The following NBEAL2 variants were observed in gnomAD, a reference collection of about 807,000 sequenced individuals.
The protein encoded by NBEAL2 is neurobeachin like 2.
Under a neutral mutation model 299.8 loss-of-function variants are expected in NBEAL2, and 160 were observed. The observed-to-expected ratio is 0.53, with a 90% CI of 0.47 to 0.61. The LOEUF is 0.61. Among genes scored for constraint, NBEAL2 ranks in the 20% least tolerant of loss-of-function variants. NBEAL2 has a pLI of 0.00. For missense variants in NBEAL2, 3,112 were observed against 3,649.0 expected (o/e 0.85, Z 3.79); for synonymous variants, 1,493 against 1,542.3 (o/e 0.97, Z 0.75).
Position 47,003,931 on chromosome 3 carries a change from G to A in NBEAL2, c.5836G>A (p.Val1946Ile), listed in dbSNP as rs775829522. ...PGLLEVTTQN[V>I]YFYDGSTERV... ...GCTGCTGGAGGTCACCACACAGAAT[G>A]TATACTTCTACGATGGCAGCACTGA... The change falls in exon 36 of 54, where the codon GTA becomes ATA. Residue 1946 changes from valine (V) to isoleucine (I), a missense_variant. Val to Ile is a conservative substitution (Grantham distance 29). Around this residue, in one of 3 missense-constraint regions of NBEAL2, gnomAD observed 521 missense variants for 729.6 expected, o/e 0.71. Coordinates refer to ENST00000450053, the MANE Select transcript of NBEAL2 (RefSeq NM_015175.3). This position sits in a 1 kb window ranked among gnomAD's most constrained non-coding sequence, Gnocchi z 7.0. 4 of 1,613,604 alleles carry A rather than the reference G, an allele frequency of 2.5e-6. No homozygotes were observed. In the East Asian group the frequency reaches 6.7e-5, roughly 27 times the overall value.
Position 47,003,894 on chromosome 3 carries a change from C to T in NBEAL2, c.5799C>T (p.Ala1933=), listed in dbSNP as rs749355903. The part of the protein sequence containing the change: ...SAECQLVTVV[A]VVPGLLEVTT... ...AGTGCCAGCTGGTGACGGTAGTGGCCGTGGTCCCAGGGCTGCTGGAGGTCA... is the reference window on the plus strand; with the variant it reads ...AGTGCCAGCTGGTGACGGTAGTGGCTGTGGTCCCAGGGCTGCTGGAGGTCA... Residue 1933 remains alanine (A), a synonymous_variant, in exon 36 of 54, where the codon GCC becomes GCT. Transcript: ENST00000450053. The surrounding 1 kb of genome is among the most constrained non-coding windows in gnomAD (Gnocchi z 7.0). 1.4e-5 allele frequency: 23 copies of T among 1,613,640 alleles called. No homozygotes were observed. Among genetic ancestry groups the T allele is most frequent in the South Asian group, 7.7e-5 (7 of 91,064 alleles).
chr3:46,984,995 G>C (rs2035590282), intron 1 of NBEAL2, among the ~76,000 whole-genome samples: 1 of 152,188 alleles, frequency 6.6e-6, no homozygotes, highest in Non-Finnish European at 1.5e-5. Context: ...GCTACTGAGA[G>C]TTAGAACGGG....
chr3:46,989,251 C>T lies in NBEAL2; in HGVS notation c.352-9C>T, dbSNP rs2035899285. 1.2e-6 allele frequency: 2 copies of T among 1,612,264 alleles called. No homozygotes were observed. The highest frequency in any genetic ancestry group is 1.7e-6 in the Non-Finnish European group (2 of 1,179,146). ...TGGCGGGGCTAACCCTCTCTCCCCA[C>T]ACCTACAGCTGAAAGGATGCCCACC... On this transcript the variant is annotated splice_polypyrimidine_tract_variant and intron_variant, in intron 4 of 53. Coordinates refer to ENST00000450053, the MANE Select transcript of NBEAL2 (RefSeq NM_015175.3). This position sits in a 1 kb window ranked among gnomAD's most constrained non-coding sequence, Gnocchi z 5.5.
Position 47,003,682 on chromosome 3 carries a change from C to T in NBEAL2, c.5721-134C>T. On this transcript the variant is annotated intron_variant, in intron 35 of 53. Coordinates refer to ENST00000450053, the MANE Select transcript of NBEAL2 (RefSeq NM_015175.3). The surrounding 1 kb of genome is among the most constrained non-coding windows in gnomAD (Gnocchi z 7.0). Reference sequence around the variant, plus strand: ...GGCTGGGACCAGTAGGTTCTGGACCCTAGGCAGCCCCTCCCCATCTCTGGG... The same window carrying T: ...GGCTGGGACCAGTAGGTTCTGGACCTTAGGCAGCCCCTCCCCATCTCTGGG... 4 of 1,224,114 alleles carry T rather than the reference C, an allele frequency of 3.3e-6. No individual in the cohort carries two copies. The highest frequency in any genetic ancestry group is 4.5e-6 in the Non-Finnish European group (4 of 897,208). 75.8% of individuals were successfully genotyped at this position (1,224,114 alleles called of 1,614,324 possible).
intron 1 of NBEAL2, among the ~76,000 whole-genome samples, chr3:46,983,371 A>G (rs1380144929): frequency 6.9e-6 from 1 of 144,994 alleles, no homozygotes; most frequent in Non-Finnish European, 1.5e-5. Flanking sequence ...GTGCAATGGC[A>G]TGGTCTCAGT....
In NBEAL2 at chr3:46,995,617, C is replaced by T. The variant is rs775071851; in HGVS notation, c.1882C>T (p.Arg628Ter). ...PTPAPTRPLQRKQLYSFFTSS... is the reference protein window; with the variant it reads ...PTPAPTRPLQ ...CCCTGCCCCCACCCGACCACTCCAG[C>T]GAAAGCAGCTGTACAGGTGGGTGAC... The change falls in exon 13 of 54, where the codon CGA (arginine) becomes TGA (stop). Residue 628 changes from arginine to a stop codon, truncating the protein, a stop_gained. Transcript: ENST00000450053. LOFTEE classifies it high-confidence loss of function. 4.3e-6 allele frequency: 7 copies of T among 1,611,362 alleles called. No individual in the cohort carries two copies. The highest frequency in any genetic ancestry group is 1.7e-5 in the Admixed American group (1 of 59,980).
Position 46,994,628 on chromosome 3 carries a change from C to T in NBEAL2, c.1296+75C>T. 2.3e-6 allele frequency: 3 copies of T among 1,298,864 alleles called. No individual in the cohort carries two copies. The African/African-American group carries it at 4.4e-5, about 19-fold the overall frequency. 80.5% of individuals were successfully genotyped at this position (1,298,864 alleles called of 1,614,324 possible). A position where few individuals can be genotyped will look rare whatever the true frequency, so the allele number is the denominator to read the frequency against. ...TCAGGGTTACCACAGATGGTGAGCT[C>T]TCCACCCTGGGGGACCGTATTGACT... On this transcript the variant is annotated intron_variant, in intron 12 of 53. Coordinates refer to ENST00000450053, the MANE Select transcript of NBEAL2 (RefSeq NM_015175.3).
chr3:47,008,888 C>T, intron 52 of NBEAL2, 101 bp from the exon 53 acceptor site: 1 of 1,532,410 alleles, frequency 6.5e-7, no homozygotes, highest in African/African-American at 1.4e-5. Context: ...TTTAACCATC[C>T]TTAAAATGAG....
chr3:46,990,988 C>T (rs1448114622), intron 6 of NBEAL2, among the ~76,000 whole-genome samples: 1 of 152,138 alleles, frequency 6.6e-6, no homozygotes, highest in African/African-American at 2.4e-5. Flanking sequence ...TGGTCTTTGT[C>T]ACCCTTAAGT....
chr3:46,998,066 G>T lies in NBEAL2; in HGVS notation c.2959-1G>T. The T allele has an allele frequency of 6.4e-7, 1 of 1,564,252 alleles. No homozygotes were observed. Among genetic ancestry groups the T allele is most frequent in the Non-Finnish European group, 8.7e-7 (1 of 1,154,122 alleles). On this transcript the variant is annotated splice_acceptor_variant, in intron 20 of 53. Transcript: ENST00000450053. LOFTEE classifies it high-confidence loss of function. ...TCACTCCAGCTCCTGTCTTATCCCA[G>T]GTCCCAAGCTGGGCCATGGACATGA...
At chr3:47,006,960 T>A (rs2037489808) in intron 45 of NBEAL2, 106 bp from the exon 46 acceptor site, 1 of 928,652 alleles carries the variant, frequency 1.1e-6, no homozygotes, top group Admixed American at 2.8e-5. Context: ...ACACCTACTC[T>A]ATGACCCCTG....
At chr3:46,987,909 G>A (rs542072202) in intron 1 of NBEAL2, 15 of 1,048,002 alleles carry the variant, frequency 1.4e-5, no homozygotes, top group East Asian at 1.3e-4. Flanking sequence ...GCGGTCTGCC[G>A]GGAGGAAGCG....
chr3:46,993,543 G>C (rs990875112), intron 10 of NBEAL2, among the ~76,000 whole-genome samples: 3 of 152,206 alleles, frequency 2.0e-5, no homozygotes, highest in Non-Finnish European at 2.9e-5. Flanking sequence ...TCTGACCCCT[G>C]TCAATCACTG....
At chr3:46,986,256 G>A (rs1272761839) in intron 1 of NBEAL2, among the ~76,000 whole-genome samples, 2 of 152,208 alleles carry the variant, frequency 1.3e-5, no homozygotes, top group East Asian at 3.9e-4. Flanking sequence ...GGGACAGAAA[G>A]TACTATCTAC....
At position 47,000,402 on chromosome 3, in the gene NBEAL2, C is replaced by T; in HGVS notation, c.4303C>T (p.Gln1435Ter). 1.3e-6 allele frequency: 2 copies of T among 1,567,966 alleles called. No homozygotes were observed. The highest frequency in any genetic ancestry group is 1.3e-5 in the African/African-American group (1 of 74,378). ...GDDTSNTSNPQQTSEEELCNL... is the reference protein window; with the variant it reads ...GDDTSNTSNP ...TGATACCTCGAACACCAGCAACCCA[C>T]AGGTGAGGTGGGCCCACCCTCTGCC... Residue 1435 changes from glutamine (Q) to a stop codon, truncating the protein, a stop_gained and splice_region_variant, in exon 27 of 54, where the codon CAG (glutamine) becomes TAG (stop). Transcript: ENST00000450053. LOFTEE classifies it high-confidence loss of function. This position sits in a 1 kb window ranked among gnomAD's most constrained non-coding sequence, Gnocchi z 4.5.
chr3:46,981,372 G>A (rs2035322521), intron 1 of NBEAL2, among the ~76,000 whole-genome samples: 1 of 152,108 alleles, frequency 6.6e-6, no homozygotes, highest in Non-Finnish European at 1.5e-5. Flanking sequence ...AACCAGGGAG[G>A]CAGAGGTTGC....
At chr3:46,990,730 G>A (rs2036019602) in intron 6 of NBEAL2, among the ~76,000 whole-genome samples, 1 of 152,210 alleles carries the variant, frequency 6.6e-6, no homozygotes, top group African/African-American at 2.4e-5. Flanking sequence ...GTATTAGGTT[G>A]TGAAAGCCCC....
chr3:46,998,628 C>T, intron 22 of NBEAL2, 63 bp downstream of exon 22: 2 of 1,567,428 alleles, frequency 1.3e-6, no homozygotes, highest in Non-Finnish European at 1.7e-6. Flanking sequence ...GCCTTGGGGA[C>T]TGGGCGGTGC....
rs369322533 is a variant in NBEAL2, at chr3:47,005,217, C to A, written c.6456C>A (p.Asp2152Glu). ...ESFEDPAGTI[D>E]KFHYGTHYSN... ...TTGAGGACCCAGCAGGGACCATTGA[C>A]AAGTTCCACTATGGCACCCACTACT... The change falls in exon 40 of 54, where the codon GAC (aspartate) becomes GAA (glutamate). Residue 2152 changes from aspartate to glutamate, a missense_variant. This residue lies in a region of NBEAL2 where 521 missense variants were observed against 729.6 expected (regional missense o/e 0.71). Transcript: ENST00000450053. The A allele has an allele frequency of 6.2e-7, 1 of 1,613,754 alleles. No individual in the cohort carries two copies. The highest frequency in any genetic ancestry group is 8.5e-7 in the Non-Finnish European group (1 of 1,179,892).
Sources: allele counts gnomAD v4.1 joint callset (sites outside exome capture counted in the v4.1 genomes callset), GRCh38; gene constraint gnomAD v4.1.1; regional missense constraint gnomAD v4.1.1; non-coding constraint Gnocchi (gnomAD v3.1); transcripts MANE v1.5; gene names NCBI Gene and HGNC (gene_info 2026-07-23, HGNC 2026-07-21).